The following FARSA variants were observed in gnomAD, a reference collection of about 807,000 sequenced individuals.
FARSA encodes the protein phenylalanine--tRNA ligase alpha subunit.
In FARSA, 37 loss-of-function variants were observed where a neutral mutation model predicts 63.2. The observed-to-expected ratio is 0.59, with a 90% CI of 0.45 to 0.77. The LOEUF (loss-of-function observed/expected upper bound fraction) is 0.77, where lower values mean the gene tolerates loss of function less well. Among genes scored for constraint, FARSA ranks in the 30% least tolerant of loss-of-function variants. The pLI is 0.00. For missense variants in FARSA, 618 were observed against 696.6 expected (o/e 0.89, Z 1.27); for synonymous variants, 312 against 285.1 (o/e 1.09, Z -0.95).
At chr19:12,925,537 T>C (rs1052091437) in intron 7 of FARSA, among the ~76,000 whole-genome samples, 1 of 150,554 alleles carries the variant, frequency 6.6e-6, no homozygotes, top group Non-Finnish European at 1.5e-5. Flanking sequence ...TTTGTATTTT[T>C]AGTAGAGATG....
chr19:12,933,498 G>T (rs535519356), intron 1 of FARSA, 52 bp downstream of exon 1: 2 of 1,522,782 alleles, frequency 1.3e-6, no homozygotes, highest in Non-Finnish European at 1.8e-6. Flanking sequence ...CCCGTGGCAA[G>T]GGGACTGTAG....
At chr19:12,931,071 G>C (rs1971389041) in intron 1 of FARSA, among the ~76,000 whole-genome samples, 1 of 152,136 alleles carries the variant, frequency 6.6e-6, no homozygotes, top group Admixed American at 6.6e-5. Flanking sequence ...AAAATTAGGT[G>C]AACTGATATG....
chr19:12,927,550 T>G (rs1304901036), intron 7 of FARSA, among the ~76,000 whole-genome samples: 2 of 151,582 alleles, frequency 1.3e-5, no homozygotes, highest in Non-Finnish European at 2.9e-5. Context: ...CTGGCCAACA[T>G]GGCAAACCCC....
Position 12,924,541 on chromosome 19 carries a change from G to A in FARSA, c.1196-15C>T, listed in dbSNP as rs900760511. The stretch of plus-strand genomic sequence containing the variant: ...TTGCGTGATACCTGCAGGAAGTGGG[G>A]GGCGGGCAGGAGAGCAGGGGTTTGG... On this transcript the variant is annotated splice_polypyrimidine_tract_variant and intron_variant, in intron 10 of 12. Transcript: ENST00000314606. This position sits in a 1 kb window ranked among gnomAD's most constrained non-coding sequence, Gnocchi z 6.4. The A allele has an allele frequency of 1.2e-6, 2 of 1,613,406 alleles. No individual in the cohort carries two copies. The highest frequency in any genetic ancestry group is 3.3e-5 in the Admixed American group (2 of 60,020).
At chr19:12,928,137 T>A (rs1971348477) in intron 7 of FARSA, among the ~76,000 whole-genome samples, 1 of 152,040 alleles carries the variant, frequency 6.6e-6, no homozygotes, top group Non-Finnish European at 1.5e-5. Context: ...AGAGGTAGAT[T>A]CTTCCCTATG....
chr19:12,923,146 C>T (rs187275614), intron 12 of FARSA, among the ~76,000 whole-genome samples: 2 of 152,228 alleles, frequency 1.3e-5, no homozygotes, highest in Non-Finnish European at 2.9e-5. Context: ...CACCCTTCCC[C>T]AGATACTCTC....
At chr19:12,933,528 C>T (rs1446722643) in intron 1 of FARSA, 22 bp downstream of exon 1, 1 of 1,537,422 alleles carries the variant, frequency 6.5e-7, no homozygotes. Context: ...CAAGGCGGTC[C>T]GGCATCACGG....
chr19:12,928,995 T>C, intron 4 of FARSA, 148 bp from the exon 5 acceptor site: 1 of 712,230 alleles, frequency 1.4e-6, no homozygotes, highest in Non-Finnish European at 2.5e-6. Flanking sequence ...GAAATCCTCC[T>C]ATGTGACCAT....
chr19:12,932,680 GA>G (rs1477579727), intron 1 of FARSA, among the ~76,000 whole-genome samples: 1 of 152,214 alleles, frequency 6.6e-6, no homozygotes, highest in African/African-American at 2.4e-5. Flanking sequence ...CACAGAACAT[GA>G]GCTCTACGGA....
Position 12,922,676 on chromosome 19 carries a change from C to T in FARSA, c.*72G>A, listed in dbSNP as rs1568443027. On this transcript the variant is annotated 3_prime_UTR_variant, in exon 13 of 13. Transcript: ENST00000314606. Reference sequence around the variant, plus strand: ...CACAGAGGCCTCATAAATACAAGGTCACTGGCCAGGGATGCAAAGGAGCGC... The same window carrying T: ...CACAGAGGCCTCATAAATACAAGGTTACTGGCCAGGGATGCAAAGGAGCGC... 1 of 1,587,806 alleles carries T rather than the reference C, an allele frequency of 6.3e-7. No homozygotes were observed. Among genetic ancestry groups the T allele is most frequent in the Admixed American group, 1.7e-5 (1 of 59,084 alleles).
Position 12,928,614 on chromosome 19 carries a change from C to T in FARSA, c.646G>A (p.Gly216Ser), listed in dbSNP as rs777993661. Reference protein sequence around the residue: ...PFKPYNFLAHGVLPDSGHLHP... With the variant: ...PFKPYNFLAHSVLPDSGHLHP... Reference sequence around the variant, plus strand: ...AGGTGGCCGCTGTCGGGGAGGACACCGTGGGCCAAGAAGTTGTAGGGCTTG... The same window carrying T: ...AGGTGGCCGCTGTCGGGGAGGACACTGTGGGCCAAGAAGTTGTAGGGCTTG... The change falls in exon 6 of 13, where the codon GGT becomes AGT. Residue 216 changes from glycine to serine, a missense_variant. Transcript: ENST00000314606. 9.9e-6 allele frequency: 16 copies of T among 1,611,374 alleles called. No individual in the cohort carries two copies. The highest frequency in any genetic ancestry group is 2.2e-5 in the South Asian group (2 of 90,860).
chr19:12,930,892 T>C (rs1335505686), intron 1 of FARSA, 143 bp from the exon 2 acceptor site: 3 of 916,450 alleles, frequency 3.3e-6, no homozygotes, highest in Non-Finnish European at 5.0e-6. Flanking sequence ...TACAGCCAAG[T>C]GGTCTCAAGG....
At position 12,922,803 on chromosome 19, in the gene FARSA, G is replaced by C; in HGVS notation, c.1472C>G (p.Pro491Arg). 1 of 1,614,102 alleles carries C rather than the reference G, an allele frequency of 6.2e-7. No individual in the cohort carries two copies. The highest frequency in any genetic ancestry group is 8.5e-7 in the Non-Finnish European group (1 of 1,180,016). ...KVNLQMVYDSPLCRLDAEPRP... is the reference protein window; with the variant it reads ...KVNLQMVYDSRLCRLDAEPRP... ...CGGCTCGGCATCCAGGCGGCACAGG[G>C]GACTGTCATACACCATCTGCAGGTT... Residue 491 changes from proline (P) to arginine (R), a missense_variant, in exon 13 of 13, where the codon CCC becomes CGC. Pro to Arg is a moderately radical substitution (Grantham distance 103). Coordinates refer to ENST00000314606, the MANE Select transcript of FARSA (RefSeq NM_004461.3).
At chr19:12,928,969 A>T in intron 4 of FARSA, 122 bp from the exon 5 acceptor site, 9 of 822,244 alleles carry the variant, frequency 1.1e-5, no homozygotes, top group Non-Finnish European at 1.9e-5. Flanking sequence ...TTCCATCCTG[A>T]CATTTATCAC....
intron 1 of FARSA, chr19:12,932,906 G>A (rs1026921334): frequency 4.6e-5 from 7 of 152,526 alleles, no homozygotes; most frequent in Middle Eastern, 3.3e-3. Context: ...CCAGCTTGGG[G>A]AAGTGCCAGC....
rs750542410 is a variant in FARSA at position 12,928,826 on chromosome 19, C to T, written c.525G>A (p.Val175=). Reference sequence around the variant, plus strand: ...TGGTACTAAAGGCACTGCCTTTGCTCACCCAGTAGGTCTTCAGAGTCCTGT... The same window carrying T: ...TGGTACTAAAGGCACTGCCTTTGCTTACCCAGTAGGTCTTCAGAGTCCTGT... The part of the protein sequence containing the change: ...LAEVTLKTYW[V]SKGSAFSTSI... Residue 175 remains valine, a synonymous_variant, in exon 5 of 13, where the codon GTG becomes GTA. Transcript: ENST00000314606. 2 of 1,614,156 alleles carry T rather than the reference C, an allele frequency of 1.2e-6. No homozygotes were observed. Among genetic ancestry groups the T allele is most frequent in the South Asian group, 1.1e-5 (1 of 91,064 alleles).
intron 12 of FARSA, among the ~76,000 whole-genome samples, chr19:12,923,138 C>G (rs1173450498): frequency 6.6e-6 from 1 of 152,070 alleles, no homozygotes; most frequent in East Asian, 1.9e-4. Flanking sequence ...ACCTGGGACA[C>G]CCTTCCCCAG....
intron 12 of FARSA, among the ~76,000 whole-genome samples, chr19:12,923,490 C>G (rs190901811): frequency 1.3e-5 from 2 of 152,130 alleles, no homozygotes; most frequent in African/African-American, 4.8e-5. Flanking sequence ...TTAGTAGAGA[C>G]GGGAGACAGA....
intron 4 of FARSA, among the ~76,000 whole-genome samples, chr19:12,929,098 C>T (rs1336799888): frequency 6.6e-6 from 1 of 152,192 alleles, no homozygotes; most frequent in African/African-American, 2.4e-5. Flanking sequence ...AAGTACACGA[C>T]TGAGTGATGA....
Sources: allele counts gnomAD v4.1 joint callset (sites outside exome capture counted in the v4.1 genomes callset), GRCh38; gene constraint gnomAD v4.1.1; non-coding constraint Gnocchi (gnomAD v3.1); transcripts MANE v1.5; gene names NCBI Gene and HGNC (gene_info 2026-07-23, HGNC 2026-07-21).